Variants in ZCCHC10 observed in about 807,000 individuals in gnomAD.
The protein encoded by ZCCHC10 is zinc finger CCHC domain-containing protein 10.
ZCCHC10 carries 16 observed loss-of-function variants against 19.5 expected under a neutral mutation model. That is an observed-to-expected ratio of 0.82 (90% CI 0.56 to 1.25). The LOEUF is 1.25. Among genes scored for constraint, ZCCHC10 ranks in the 50% most tolerant of loss-of-function variants. The pLI is 0.00. For missense variants in ZCCHC10, 197 were observed against 201.0 expected (o/e 0.98, Z 0.12); for synonymous variants, 67 against 72.5 (o/e 0.92, Z 0.38).
intron 2 of ZCCHC10, among the ~76,000 whole-genome samples, chr5:133,014,033 T>C (rs1763751348): frequency 6.6e-6 from 1 of 152,278 alleles, no homozygotes; most frequent in South Asian, 2.1e-4. Flanking sequence ...ATTTGTAAGC[T>C]GCCCACTTGA....
intron 2 of ZCCHC10, among the ~76,000 whole-genome samples, chr5:133,016,540 T>C (rs1581417907): frequency 6.6e-6 from 1 of 152,194 alleles, no homozygotes; most frequent in African/African-American, 2.4e-5. Flanking sequence ...CCTCCGGGGT[T>C]CAATCGATTC....
At chr5:133,023,749 C>G (rs1764486687) in intron 1 of ZCCHC10, among the ~76,000 whole-genome samples, 1 of 146,588 alleles carries the variant, frequency 6.8e-6, no homozygotes, top group African/African-American at 2.6e-5. Context: ...CCAGCCTGGG[C>G]AACAAGAGCA....
At chr5:133,012,184 T>C (rs1581404814) in intron 2 of ZCCHC10, among the ~76,000 whole-genome samples, 1 of 141,628 alleles carries the variant, frequency 7.1e-6, no homozygotes, top group African/African-American at 2.6e-5. Context: ...AAGAAAAAAG[T>C]GGGCCAGGCT....
At chr5:133,013,893 T>C (rs1037881520) in intron 2 of ZCCHC10, among the ~76,000 whole-genome samples, 4 of 152,154 alleles carry the variant, frequency 2.6e-5, no homozygotes, top group Admixed American at 6.6e-5. Context: ...AATAGAAATC[T>C]ATGCACAAGT....
rs1263466610 is a variant in ZCCHC10, at chr5:132,997,709, C to T, written c.*874G>A. On this transcript the variant is annotated 3_prime_UTR_variant, in exon 5 of 5. Coordinates refer to ENST00000509437, the MANE Select transcript of ZCCHC10 (RefSeq NM_001300816.3). ...AAAGCTTTTAATAAAAGGCGACCAA[C>T]ATTGCCCTAATTTTCAGTAAAAATT... is the stretch of plus-strand genomic sequence containing the variant. 6.6e-6 allele frequency: 1 copy of T among 152,154 alleles called. No homozygotes were observed. Among genetic ancestry groups the T allele is most frequent in the Non-Finnish European group, 1.5e-5 (1 of 68,010 alleles). The allele number at this position is 152,154 out of a possible 1,614,324, so 9.4% of individuals were successfully genotyped here. A position where few individuals can be genotyped will look rare whatever the true frequency, so the allele number is the denominator to read the frequency against.
chr5:133,005,629 T>C (rs1036284941), intron 3 of ZCCHC10, among the ~76,000 whole-genome samples: 1 of 151,304 alleles, frequency 6.6e-6, no homozygotes, highest in Non-Finnish European at 1.5e-5. Context: ...AAAACTATTA[T>C]GACCATTCAC....
rs142042047 is a variant in ZCCHC10 at position 132,998,705 on chromosome 5, A to G, written c.457T>C (p.Ser153Pro). ...ESSSSSSSSA[S>P]STTSSSSSDS... Reference sequence around the variant, plus strand: ...GAGGAGGAGGAAGAGGTTGTGGAGGAGGCTGAGGATGAGGAACTAGAGGAG... The same window carrying G: ...GAGGAGGAGGAAGAGGTTGTGGAGGGGGCTGAGGATGAGGAACTAGAGGAG... The change falls in exon 5 of 5, where the codon TCC (serine) becomes CCC (proline). Residue 153 changes from serine to proline, a missense_variant. Ser to Pro is a moderately conservative substitution (Grantham distance 74). Coordinates refer to ENST00000509437, the MANE Select transcript of ZCCHC10 (RefSeq NM_001300816.3). 198 of 1,614,106 alleles carry G rather than the reference A, an allele frequency of 1.2e-4. No individual in the cohort carries two copies. In the African/African-American group the frequency reaches 2.4e-3, roughly 20 times the overall value.
At chr5:133,005,179 C>T (rs1040069874) in intron 3 of ZCCHC10, among the ~76,000 whole-genome samples, 1 of 152,004 alleles carries the variant, frequency 6.6e-6, no homozygotes, top group Non-Finnish European at 1.5e-5. Context: ...CGCACCTATA[C>T]TCCCAGCTAC....
chr5:133,000,128 A>G lies in ZCCHC10; in HGVS notation c.311+4T>C, dbSNP rs777623568. 2.5e-6 allele frequency: 4 copies of G among 1,613,678 alleles called. No individual in the cohort carries two copies. Among genetic ancestry groups the G allele is most frequent in the Admixed American group, 3.3e-5 (2 of 59,880 alleles). On this transcript the variant is annotated splice_donor_region_variant and intron_variant, in intron 4 of 4. Coordinates refer to ENST00000509437, the MANE Select transcript of ZCCHC10 (RefSeq NM_001300816.3). ...CTATAAAACACTGCTAAAACCACAC[A>G]TACCTTTTTTTCTTGGCCTTTCTTT...
At chr5:133,015,568 T>C (rs973976532) in intron 2 of ZCCHC10, among the ~76,000 whole-genome samples, 25 of 152,080 alleles carry the variant, frequency 1.6e-4, no homozygotes, top group African/African-American at 6.0e-4. Context: ...TGTCATGAAG[T>C]TACTCAAGCA....
intron 2 of ZCCHC10, among the ~76,000 whole-genome samples, chr5:133,011,652 G>T (rs1005635884): frequency 2.3e-5 from 3 of 132,182 alleles, no homozygotes; most frequent in Non-Finnish European, 4.9e-5. Context: ...AAAAAAACCT[G>T]ACTGAGATAA....
At chr5:133,005,141 T>C (rs527387169) in intron 3 of ZCCHC10, among the ~76,000 whole-genome samples, 1 of 150,440 alleles carries the variant, frequency 6.6e-6, no homozygotes, top group Non-Finnish European at 1.5e-5. Flanking sequence ...CTACTAAAAA[T>C]ACAAAAAATT....
At chr5:133,019,648 C>T (rs781579476) in intron 2 of ZCCHC10, among the ~76,000 whole-genome samples, 7 of 152,044 alleles carry the variant, frequency 4.6e-5, no homozygotes, top group Middle Eastern at 3.4e-3. Flanking sequence ...TAATATGCAA[C>T]AAAAAAATTT....
chr5:133,026,542 G>C lies in ZCCHC10; in HGVS notation c.-5C>G, dbSNP rs950586132. The stretch of plus-strand genomic sequence containing the variant: ...CCGATGCATGGGAGTCGCCATCTTA[G>C]CGCGGTCAAAGCCGGCCGCGCAGGG... On this transcript the variant is annotated 5_prime_UTR_variant, in exon 1 of 5. Coordinates refer to ENST00000509437, the MANE Select transcript of ZCCHC10 (RefSeq NM_001300816.3). 2.5e-6 allele frequency: 4 copies of C among 1,613,676 alleles called. No homozygotes were observed. Among genetic ancestry groups the C allele is most frequent in the Non-Finnish European group, 2.5e-6 (3 of 1,179,932 alleles).
In ZCCHC10 at chr5:133,009,393, G is replaced by A. The variant is rs532245823; in HGVS notation, c.108-2473C>T. Among the ~76,000 whole-genome samples the A allele has an allele frequency of 3.3e-5, 5 of 151,984 alleles. No individual in the cohort carries two copies. The South Asian group carries it at 6.2e-4, about 19-fold the overall frequency. On this transcript the variant is annotated intron_variant, in intron 2 of 4. Transcript: ENST00000509437. ...AGCACTTTGTGGGGCTGAGGTGGGC[G>A]GATTGCTTGAGGTCAGAAATTCGAG...
rs1203756380 is a variant in ZCCHC10, at chr5:133,022,864, C to T, written c.84G>A (p.Leu28=). The change falls in exon 2 of 5, where the codon CTG becomes CTA. Residue 28 remains leucine (L), a synonymous_variant. Coordinates refer to ENST00000509437, the MANE Select transcript of ZCCHC10 (RefSeq NM_001300816.3). ...ELQPVKTFWI[L]IQPSIVISEA... is the part of the protein sequence containing the mutation. ...ACCTAATAACGATGGATGGCTGAAT[C>T]AGGATCCAAAAGGTCTTGACAGGCT... is the stretch of plus-strand genomic sequence containing the variant. 4 of 613,916 alleles carry T rather than the reference C, an allele frequency of 6.5e-6. No homozygotes were observed. Among genetic ancestry groups the T allele is most frequent in the African/African-American group, 5.7e-5 (3 of 52,810 alleles). The allele number at this position is 613,916 out of a possible 1,614,324, so 38.0% of individuals were successfully genotyped here.
intron 2 of ZCCHC10, among the ~76,000 whole-genome samples, chr5:133,009,580 C>T (rs960245210): frequency 5.8e-5 from 8 of 137,158 alleles, no homozygotes; most frequent in African/African-American, 2.3e-4. Flanking sequence ...TGCCACTGCA[C>T]TCTGGCCTGG....
chr5:133,006,573 A>G (rs1415751391), intron 3 of ZCCHC10, among the ~76,000 whole-genome samples, 186 bp downstream of exon 3: 3 of 143,826 alleles, frequency 2.1e-5, no homozygotes, highest in Non-Finnish European at 4.6e-5. Context: ...TAGTGTAGAT[A>G]TCAGGTTTAA....
intron 2 of ZCCHC10, among the ~76,000 whole-genome samples, chr5:133,015,259 A>G (rs73254814): frequency 0.039 from 5,904 of 151,892 alleles, 394 homozygotes; most frequent in East Asian, 0.29. Context: ...TTGTATTTTT[A>G]GCAGATACAG....
Sources: allele counts gnomAD v4.1 joint callset (sites outside exome capture counted in the v4.1 genomes callset), GRCh38; gene constraint gnomAD v4.1.1; transcripts MANE v1.5; gene names NCBI Gene and HGNC (gene_info 2026-07-23, HGNC 2026-07-21).